Variants in ADAMTSL3 observed in about 807,000 individuals in gnomAD.
ADAMTSL3 encodes the protein ADAMTS-like protein 3.
In ADAMTSL3, 128 loss-of-function variants were observed where a neutral mutation model predicts 201.7. The ratio of observed to expected loss-of-function variants is 0.63; its 90% CI spans 0.55 to 0.73. ADAMTSL3 has a LOEUF of 0.73. ADAMTSL3 is among the 30% of genes least tolerant of loss of function. The pLI, the probability that ADAMTSL3 is intolerant of heterozygous loss-of-function variation, is 0.00. For synonymous variants in ADAMTSL3, 738 were observed against 748.4 expected, an observed-to-expected ratio of 0.99 and a Z score of 0.23; for missense variants, 1,990 against 2,119.6, an observed-to-expected ratio of 0.94 and a Z score of 1.20.
At chr15:84,026,401 G>A (rs2068308881) in intron 27 of ADAMTSL3, among the ~76,000 whole-genome samples, 1 of 152,138 alleles carries the variant, frequency 6.6e-6, no homozygotes, top group Non-Finnish European at 1.5e-5. Flanking sequence ...AATTCAATGT[G>A]ATCGCTATCA....
chr15:83,955,755 C>T (rs2066849340), intron 19 of ADAMTSL3, among the ~76,000 whole-genome samples: 1 of 152,058 alleles, frequency 6.6e-6, no homozygotes, highest in South Asian at 2.1e-4. Flanking sequence ...CTGCCCAGTG[C>T]ACTGTCTGTG....
At position 83,953,543 on chromosome 15, in the gene ADAMTSL3, G is replaced by T. The variant is rs75889854; in HGVS notation, c.2490+10461G>T. ...TATTTTTTGATTGGTTCATCATTTA[G>T]ACTTTCTACTTAAGATTAGTTTTGA... is the stretch of plus-strand genomic sequence containing the variant. On this transcript the variant is annotated intron_variant, in intron 19 of 29. Transcript: ENST00000286744. Among the ~76,000 whole-genome samples the T allele has an allele frequency of 1.5e-3, 223 of 152,158 alleles. 4 individuals carry two copies. In the East Asian group the frequency reaches 0.022, roughly 15 times the overall value.
At chr15:84,037,209 C>T (rs186312173) in intron 29 of ADAMTSL3, among the ~76,000 whole-genome samples, 136 of 152,304 alleles carry the variant, frequency 8.9e-4, no homozygotes, top group Non-Finnish European at 1.5e-3. Context: ...GGATTAGTAG[C>T]ATGCCAGCAT....
intron 2 of ADAMTSL3, among the ~76,000 whole-genome samples, chr15:83,660,685 GGTTATTAAAAGTTCA>G (rs1188242576): frequency 1.3e-5 from 2 of 152,116 alleles, no homozygotes; most frequent in Non-Finnish European, 2.9e-5. Flanking sequence ...ATCCAGTTTT[GGTTATTAAAAGTTCA>G]GTTCCAAAAA....
At chr15:83,989,434 A>G (rs73443172) in intron 22 of ADAMTSL3, among the ~76,000 whole-genome samples, 2,102 of 152,346 alleles carry the variant, frequency 0.014, 60 homozygotes, top group African/African-American at 0.048. Context: ...AAATAATGAG[A>G]TGGAGTTTAA....
chr15:84,037,735 G>T lies in ADAMTSL3; in HGVS notation c.5005G>T (p.Val1669Leu). ...CTDTTHYCMF[V>L]KHLNLCSLDR... ...AGACACAACTCACTACTGTATGTTT[G>T]TAAAACATCTTAATTTGTGTTCTCT... Residue 1669 changes from valine to leucine, a missense_variant, in exon 30 of 30, where the codon GTA (valine) becomes TTA (leucine). Transcript: ENST00000286744. 1.2e-6 allele frequency: 2 copies of T among 1,613,160 alleles called. No individual in the cohort carries two copies. The highest frequency in any genetic ancestry group is 2.2e-5 in the South Asian group (2 of 90,818).
At position 83,964,565 on chromosome 15, in the gene ADAMTSL3, G is replaced by C. The variant is rs568930364; in HGVS notation, c.2491-5919G>C. On this transcript the variant is annotated intron_variant, in intron 19 of 29. Coordinates refer to ENST00000286744, the MANE Select transcript of ADAMTSL3 (RefSeq NM_207517.3). Reference sequence around the variant, plus strand: ...ACGTTTGTTTGGTGTACCTGAAAGTGAGGGGAGAATGGAACCAAGTTGGAA... The same window carrying C: ...ACGTTTGTTTGGTGTACCTGAAAGTCAGGGGAGAATGGAACCAAGTTGGAA... Among the ~76,000 whole-genome samples the C allele has an allele frequency of 9.7e-4, 148 of 152,324 alleles. 1 individual carries two copies. Among genetic ancestry groups the C allele is most frequent in the Middle Eastern group, 6.8e-3 (2 of 294 alleles).
chr15:83,830,039 G>A (rs2064120722), intron 6 of ADAMTSL3, among the ~76,000 whole-genome samples: 1 of 152,050 alleles, frequency 6.6e-6, no homozygotes, highest in South Asian at 2.1e-4. Context: ...ATCTTTTACG[G>A]CTGAATGTTT....
chr15:83,802,771 AG>A (rs1287145117), intron 4 of ADAMTSL3, among the ~76,000 whole-genome samples: 1 of 152,214 alleles, frequency 6.6e-6, no homozygotes, highest in East Asian at 1.9e-4. Flanking sequence ...TGGTTGTGGT[AG>A]TGGTTGCACA....
In ADAMTSL3 at chr15:83,930,643, TG is replaced by T. The variant is rs1175514293; in HGVS notation, c.2117+6612del. ...GAATAATAGAGCAGACAACATGTCT[TG>T]GCCACTTTGCAAAATTAAGAGTCTG... On this transcript the variant is annotated intron_variant, in intron 17 of 29. Transcript: ENST00000286744. 2.6e-5 allele frequency among the ~76,000 whole-genome samples: 4 copies of T among 152,340 alleles called. No homozygotes were observed. The East Asian group carries it at 7.7e-4, about 29-fold the overall frequency.
At chr15:83,804,565 T>G in intron 4 of ADAMTSL3, 85 bp from the exon 5 acceptor site, 1 of 901,944 alleles carries the variant, frequency 1.1e-6, no homozygotes, top group Non-Finnish European at 1.7e-6. Context: ...ACCAATGCCT[T>G]GTATTTGCTT....
At chr15:83,672,736 A>G (rs946053036) in intron 2 of ADAMTSL3, among the ~76,000 whole-genome samples, 9 of 152,230 alleles carry the variant, frequency 5.9e-5, no homozygotes, top group African/African-American at 2.2e-4. Context: ...TCGTTTCCAA[A>G]GAACAGGGAT....
chr15:83,659,366 G>A (rs933148591), intron 2 of ADAMTSL3, among the ~76,000 whole-genome samples: 2 of 152,288 alleles, frequency 1.3e-5, no homozygotes, highest in Admixed American at 6.5e-5. Flanking sequence ...GGTTGGCTCC[G>A]ATCCTGTCCC....
Position 83,897,914 on chromosome 15 carries a change from C to T in ADAMTSL3, c.1524C>T (p.His508=). The T allele has an allele frequency of 4.3e-6, 7 of 1,613,892 alleles. No homozygotes were observed. In the South Asian group the frequency reaches 6.6e-5, roughly 15 times the overall value. The change falls in exon 14 of 30, where the codon CAC becomes CAT. Residue 508 remains histidine, a synonymous_variant. Transcript: ENST00000286744. ...LRYRVVLCIN[H]RGEHVGGCNP... ...ACCGGGTTGTTCTGTGTATTAACCA[C>T]CGCGGAGAGCATGTTGGGGGCTGCA...
chr15:84,036,791 C>CTGCA lies in ADAMTSL3; in HGVS notation c.4774_4777dup (p.Thr1593MetfsTer7). 6.2e-7 allele frequency: 1 copy of CTGCA among 1,610,400 alleles called. No individual in the cohort carries two copies. The highest frequency in any genetic ancestry group is 2.2e-5 in the East Asian group (1 of 44,758). On this transcript the variant is annotated frameshift_variant, in exon 29 of 30. Transcript: ENST00000286744. LOFTEE classifies it high-confidence loss of function. ...ACTTCAGACCCACCTTAAGAAGGAA[C>CTGCA]TGCACATCAGGGGCCTGTGATGTGT...
chr15:83,805,776 A>G (rs1036428126), intron 5 of ADAMTSL3, among the ~76,000 whole-genome samples: 3 of 152,196 alleles, frequency 2.0e-5, no homozygotes, highest in Non-Finnish European at 1.5e-5. Context: ...GCAAGGGAAT[A>G]GCAGAATGCC....
rs1045255341 is a variant in ADAMTSL3, at chr15:83,825,604, G to T, written c.600+5557G>T. Among the ~76,000 whole-genome samples, 5 of 151,084 alleles carry T rather than the reference G, an allele frequency of 3.3e-5. No individual in the cohort carries two copies. In the East Asian group the frequency reaches 9.6e-4, roughly 29 times the overall value. ...ACTGTACTCCAGCCTATGATAGGGT[G>T]AGACCCTGTTTCTAAAAAATAAAAA... is the stretch of plus-strand genomic sequence containing the variant. On this transcript the variant is annotated intron_variant, in intron 6 of 29. Transcript: ENST00000286744.
chr15:83,904,725 C>G (rs1045802513), intron 15 of ADAMTSL3, among the ~76,000 whole-genome samples: 3 of 152,196 alleles, frequency 2.0e-5, no homozygotes, highest in Non-Finnish European at 2.9e-5. Flanking sequence ...CCTGGAGCCT[C>G]TTCGTTTGTT....
At chr15:83,763,503 A>G (rs1486804577) in intron 3 of ADAMTSL3, among the ~76,000 whole-genome samples, 1 of 147,670 alleles carries the variant, frequency 6.8e-6, no homozygotes, top group Admixed American at 6.9e-5. Flanking sequence ...TTAACAAATA[A>G]TTCTTTTTTT....
Sources: allele counts gnomAD v4.1 joint callset (sites outside exome capture counted in the v4.1 genomes callset), GRCh38; gene constraint gnomAD v4.1.1; transcripts MANE v1.5; gene names NCBI Gene and HGNC (gene_info 2026-07-23, HGNC 2026-07-21).